NEDD4L: variants seen among roughly 807,000 people sequenced by gnomAD.
NEDD4L encodes E3 ubiquitin-protein ligase NEDD4-like.
A neutral mutation model predicts 148.9 loss-of-function variants in NEDD4L; 54 were observed. The ratio of observed to expected loss-of-function variants is 0.36; its 90% CI spans 0.29 to 0.45. NEDD4L has a LOEUF of 0.45. NEDD4L is among the 20% of genes least tolerant of loss of function. The pLI is 1.00. For synonymous variants in NEDD4L, 433 were observed against 440.7 expected, an observed-to-expected ratio of 0.98 and a Z score of 0.22; for missense variants, 856 against 1,233.8, an observed-to-expected ratio of 0.69 and a Z score of 4.59.
intron 2 of NEDD4L, chr18:58,190,029 T>G (rs890013053): frequency 7.2e-5 from 11 of 152,244 alleles, no homozygotes; most frequent in Admixed American, 2.0e-4. Flanking sequence ...AAAAAAGATA[T>G]AATTAGAAAA....
intron 1 of NEDD4L, among the ~76,000 whole-genome samples, chr18:58,143,203 A>G (rs544868982): frequency 6.6e-6 from 1 of 152,346 alleles, no homozygotes; most frequent in South Asian, 2.1e-4. Flanking sequence ...TGCACATCAT[A>G]TCCCTGTTCA....
chr18:58,239,400 A>G (rs2046382621), intron 2 of NEDD4L, among the ~76,000 whole-genome samples: 1 of 152,212 alleles, frequency 6.6e-6, no homozygotes, highest in Non-Finnish European at 1.5e-5. Context: ...GAACACCTCT[A>G]TAGCAGGTAG....
chr18:58,269,768 A>G (rs1458818312), intron 5 of NEDD4L, among the ~76,000 whole-genome samples: 1 of 150,932 alleles, frequency 6.6e-6, no homozygotes, highest in Non-Finnish European at 1.5e-5. Context: ...GATTTAATGC[A>G]TTTTTTTTTC....
intron 2 of NEDD4L, among the ~76,000 whole-genome samples, chr18:58,236,242 A>G (rs529923421): frequency 5.0e-4 from 76 of 151,984 alleles, no homozygotes; most frequent in Non-Finnish European, 8.2e-4. Context: ...CTGTAGTCCC[A>G]GCTACTCAGG....
At chr18:58,115,354 A>C (rs1212549326) in intron 1 of NEDD4L, among the ~76,000 whole-genome samples, 1 of 150,942 alleles carries the variant, frequency 6.6e-6, no homozygotes, top group African/African-American at 2.4e-5. Flanking sequence ...TTTTTAAAGC[A>C]GTCCTAGGGG....
chr18:58,135,971 C>G (rs1012614301), intron 1 of NEDD4L, among the ~76,000 whole-genome samples: 3 of 152,154 alleles, frequency 2.0e-5, no homozygotes, highest in African/African-American at 7.2e-5. Flanking sequence ...ACGCTTGCTC[C>G]CCCTTGTGGC....
At position 58,367,768 on chromosome 18, in the gene NEDD4L, A is replaced by G; in HGVS notation, c.2086A>G (p.Asn696Asp). 1.2e-6 allele frequency: 2 copies of G among 1,613,994 alleles called. No individual in the cohort carries two copies. Among genetic ancestry groups the G allele is most frequent in the Non-Finnish European group, 8.5e-7 (1 of 1,179,836 alleles). Residue 696 changes from asparagine to aspartate, a missense_variant, in exon 22 of 31, where the codon AAC becomes GAC. This residue lies in a region of NEDD4L where 286 missense variants were observed against 531.8 expected (regional missense o/e 0.54). Coordinates refer to ENST00000400345, the MANE Select transcript of NEDD4L (RefSeq NM_001144967.3). The part of the protein sequence containing the change: ...SATDNYTLQI[N>D]PNSGLCNEDH... Reference sequence around the variant, plus strand: ...AAGGGACAACTACACCCTTCAGATCAACCCTAATTCAGGCCTCTGTAATGA... The same window carrying G: ...AAGGGACAACTACACCCTTCAGATCGACCCTAATTCAGGCCTCTGTAATGA...
chr18:58,392,475 G>A (rs1030914669), intron 30 of NEDD4L, among the ~76,000 whole-genome samples: 5 of 152,058 alleles, frequency 3.3e-5, no homozygotes, highest in Non-Finnish European at 7.4e-5. Flanking sequence ...ATGTGTTTGC[G>A]AAAAATTGGC....
intron 2 of NEDD4L, among the ~76,000 whole-genome samples, chr18:58,243,405 A>G (rs901562805): frequency 6.6e-6 from 1 of 152,234 alleles, no homozygotes; most frequent in Admixed American, 6.5e-5. Flanking sequence ...CTCTTTTCAA[A>G]TGCCATCTAG....
In NEDD4L at chr18:58,389,256, C is replaced by G. The variant is rs1018247218; in HGVS notation, c.2655+64C>G. The G allele has an allele frequency of 3.1e-5, 37 of 1,201,482 alleles. No individual in the cohort carries two copies. In the African/African-American group the frequency reaches 5.2e-4, roughly 17 times the overall value. The allele number at this position is 1,201,482 out of a possible 1,614,324, so 74.4% of individuals were successfully genotyped here. On this transcript the variant is annotated intron_variant, in intron 28 of 30. Coordinates refer to ENST00000400345, the MANE Select transcript of NEDD4L (RefSeq NM_001144967.3). ...TGAGGCAGGATTGAGGGCTGTGTGG[C>G]GCCCTCCATTGTGGTCTGACTTCAG...
intron 5 of NEDD4L, among the ~76,000 whole-genome samples, chr18:58,310,229 T>C (rs539378452): frequency 6.6e-6 from 1 of 152,224 alleles, no homozygotes; most frequent in Non-Finnish European, 1.5e-5. Flanking sequence ...GACACTCTGT[T>C]GACATGGAGG....
At chr18:58,235,318 G>A (rs1881294548) in intron 2 of NEDD4L, among the ~76,000 whole-genome samples, 2 of 152,014 alleles carry the variant, frequency 1.3e-5, no homozygotes, top group Non-Finnish European at 2.9e-5. Flanking sequence ...TGTCTCCCTT[G>A]GCTAGACCTT....
At chr18:58,276,194 G>GT (rs1200942500) in intron 5 of NEDD4L, among the ~76,000 whole-genome samples, 1,331 of 57,396 alleles carry the variant, frequency 0.023, 29 homozygotes, top group African/African-American at 0.04. Context: ...TTTCTTTTTC[G>GT]TTTTTTTTTT....
chr18:58,289,514 G>A (rs1267122888), intron 5 of NEDD4L, among the ~76,000 whole-genome samples: 1 of 152,148 alleles, frequency 6.6e-6, no homozygotes, highest in East Asian at 1.9e-4. Context: ...TTTTAAATAA[G>A]GTTATAAACA....
At chr18:58,109,255 C>T (rs969518082) in intron 1 of NEDD4L, among the ~76,000 whole-genome samples, 2 of 152,190 alleles carry the variant, frequency 1.3e-5, no homozygotes, top group Admixed American at 1.3e-4. Flanking sequence ...TTCAGGTTGT[C>T]ATGCAGGTAT....
chr18:58,370,502 G>A (rs376401135), intron 23 of NEDD4L, 35 bp downstream of exon 23: 26 of 1,364,332 alleles, frequency 1.9e-5, no homozygotes, highest in African/African-American at 1.4e-4. Flanking sequence ...GGCCATCACC[G>A]GGCACTCGTG....
At chr18:58,347,693 T>C (rs1273103994) in intron 16 of NEDD4L, among the ~76,000 whole-genome samples, 1 of 152,226 alleles carries the variant, frequency 6.6e-6, no homozygotes, top group Non-Finnish European at 1.5e-5. Flanking sequence ...CACAAACTGC[T>C]AACAGGATTT....
At chr18:58,341,847 A>G (rs200105359) in intron 15 of NEDD4L, 50 bp downstream of exon 15, 8 of 1,581,878 alleles carry the variant, frequency 5.1e-6, no homozygotes, top group Non-Finnish European at 6.9e-6. Context: ...TGTGACTCCC[A>G]TTCTTTCTTC....
intron 9 of NEDD4L, among the ~76,000 whole-genome samples, chr18:58,325,636 A>C (rs565221184): frequency 1.3e-5 from 2 of 152,282 alleles, no homozygotes; most frequent in East Asian, 3.9e-4. Flanking sequence ...TTCTTTAAGG[A>C]AATTTGAGCC....
Sources: allele counts gnomAD v4.1 joint callset (sites outside exome capture counted in the v4.1 genomes callset), GRCh38; gene constraint gnomAD v4.1.1; regional missense constraint gnomAD v4.1.1; transcripts MANE v1.5; gene names NCBI Gene and HGNC (gene_info 2026-07-23, HGNC 2026-07-21).